Variants in PRRC2C observed in about 807,000 individuals in gnomAD.
PRRC2C encodes the protein protein PRRC2C.
PRRC2C carries 72 observed loss-of-function variants against 317.2 expected under a neutral mutation model. That is an observed-to-expected ratio of 0.23 (90% CI 0.19 to 0.28). The LOEUF is 0.28. Among genes scored for constraint, PRRC2C ranks in the 10% least tolerant of loss-of-function variants. The pLI is 1.00. For synonymous variants in PRRC2C, 1,296 were observed against 1,205.9 expected (o/e 1.07, Z -1.55); for missense variants, 3,074 against 3,459.7 (o/e 0.89, Z 2.80).
intron 12 of PRRC2C, among the ~76,000 whole-genome samples, chr1:171,534,393 A>C (rs1203634861): frequency 6.6e-6 from 1 of 152,194 alleles, no homozygotes; most frequent in Non-Finnish European, 1.5e-5. Flanking sequence ...TTTTATTTTC[A>C]TTCACATTTT....
At position 171,579,361 on chromosome 1, in the gene PRRC2C, C is replaced by T. The variant is rs1197296333; in HGVS notation, c.7167C>T (p.Ile2389=). Residue 2389 remains isoleucine (I), a synonymous_variant, in exon 27 of 35, where the codon ATC becomes ATT. Transcript: ENST00000647382. The part of the protein sequence containing the change: ...VYVSQSAAAQ[I]PAFYMDTSHL... ...TATCCTGATGGTCTACAGCTCAAAT[C>T]CCAGCCTTCTATATGGACACAAGTC... 6.2e-7 allele frequency: 1 copy of T among 1,613,460 alleles called. No individual in the cohort carries two copies. The highest frequency in any genetic ancestry group is 1.1e-5 in the South Asian group (1 of 91,012).
In PRRC2C at chr1:171,545,586, A is replaced by C. The variant is rs1490028314; in HGVS notation, c.4871A>C (p.Lys1624Thr). ...VPNGTGQKNSKDSTGKKREDP... is the reference protein window; with the variant it reads ...VPNGTGQKNSTDSTGKKREDP... ...AATGGTACAGGACAAAAGAACTCCA[A>C]AGATTCTACTGGGAAAAAAAGAGAA... Residue 1624 changes from lysine to threonine, a missense_variant, in exon 17 of 35, where the codon AAA (lysine) becomes ACA (threonine). Transcript: ENST00000647382. 6.2e-7 allele frequency: 1 copy of C among 1,610,788 alleles called. No homozygotes were observed. The highest frequency in any genetic ancestry group is 8.5e-7 in the Non-Finnish European group (1 of 1,178,522).
intron 11 of PRRC2C, among the ~76,000 whole-genome samples, chr1:171,530,324 G>A (rs1413409791): frequency 7.4e-6 from 1 of 135,776 alleles, no homozygotes; most frequent in Non-Finnish European, 1.5e-5. Context: ...GCTCATTGCA[G>A]CCTAAACCTC....
chr1:171,531,982 A>G (rs1317306911), intron 11 of PRRC2C, among the ~76,000 whole-genome samples: 4 of 152,158 alleles, frequency 2.6e-5, no homozygotes, highest in Non-Finnish European at 5.9e-5. Context: ...TAGACATTCC[A>G]ACTCTGGCAG....
intron 4 of PRRC2C, 29 bp from the exon 5 acceptor site, chr1:171,515,705 C>A: frequency 6.5e-7 from 1 of 1,533,672 alleles, no homozygotes; most frequent in Non-Finnish European, 8.8e-7. Context: ...TAAAAGTTAC[C>A]TTTAATGTTT....
Position 171,584,288 on chromosome 1 carries a change from G to GA in PRRC2C, c.7641+108dup, listed in dbSNP as rs1205951721. 9 of 1,377,404 alleles carry GA rather than the reference G, an allele frequency of 6.5e-6. No homozygotes were observed. In the Admixed American group the frequency reaches 9.0e-5, roughly 14 times the overall value. 85.3% of individuals were successfully genotyped at this position (1,377,404 alleles called of 1,614,324 possible). A position where few individuals can be genotyped will look rare whatever the true frequency, so the allele number is the denominator to read the frequency against. On this transcript the variant is annotated intron_variant, in intron 29 of 34. Transcript: ENST00000647382. ...AAGAAAACATGTTAGAAGATGCAAT[G>GA]AAAAAAACAAAGTCCTTTCATTTAT...
At chr1:171,522,047 GT>G in intron 6 of PRRC2C, 129 bp from the exon 7 acceptor site, 1 of 399,534 alleles carries the variant, frequency 2.5e-6, no homozygotes, top group Non-Finnish European at 4.4e-6. Context: ...GTCATTAATA[GT>G]TTTATTCACT....
intron 22 of PRRC2C, among the ~76,000 whole-genome samples, chr1:171,567,213 C>G (rs2102720654): frequency 6.6e-6 from 1 of 152,196 alleles, no homozygotes; most frequent in East Asian, 1.9e-4. Context: ...ATAAGGCAGA[C>G]TTTTACTAAC....
At chr1:171,509,042 A>G (rs12131694) in intron 1 of PRRC2C, among the ~76,000 whole-genome samples, 24,293 of 151,880 alleles carry the variant, frequency 0.16, 2,000 homozygotes, top group Middle Eastern at 0.29. Flanking sequence ...ACCTGCCACC[A>G]TGCCTGGCTA....
chr1:171,511,874 A>G (rs1421089870), intron 1 of PRRC2C, 158 bp from the exon 2 acceptor site: 3 of 410,022 alleles, frequency 7.3e-6, no homozygotes, highest in Non-Finnish European at 1.4e-5. Context: ...ATGATAGCTT[A>G]TTGTGATCAA....
intron 14 of PRRC2C, 91 bp downstream of exon 14, chr1:171,536,369 A>G (rs1448961943): frequency 7.1e-7 from 1 of 1,403,758 alleles, no homozygotes; most frequent in Non-Finnish European, 9.7e-7. Flanking sequence ...GTAATCTAGG[A>G]AAAACTTAAA....
rs143475290 is a variant in PRRC2C, at chr1:171,528,611, C to T, written c.1254+767C>T. Reference sequence around the variant, plus strand: ...CGGCCAATGAAATTCTTTTAGTGAACTATTTATACTTACCGTCTTTTGCTG... The same window carrying T: ...CGGCCAATGAAATTCTTTTAGTGAATTATTTATACTTACCGTCTTTTGCTG... On this transcript the variant is annotated intron_variant, in intron 11 of 34. Coordinates refer to ENST00000647382, the MANE Select transcript of PRRC2C (RefSeq NM_001387844.1). Among the ~76,000 whole-genome samples, 363 of 152,176 alleles carry T rather than the reference C, an allele frequency of 2.4e-3. 3 individuals are homozygous for T. The highest frequency in any genetic ancestry group is 6.8e-3 in the Middle Eastern group (2 of 294).
At chr1:171,542,401 G>A (rs111428664) in intron 16 of PRRC2C, among the ~76,000 whole-genome samples, 172 bp downstream of exon 16, 1 of 152,354 alleles carries the variant, frequency 6.6e-6, no homozygotes, top group African/African-American at 2.4e-5. Context: ...AGGAAGAGAG[G>A]TTAAGGTGTC....
chr1:171,521,589 A>G (rs1336832322), intron 6 of PRRC2C, among the ~76,000 whole-genome samples: 2 of 62,750 alleles, frequency 3.2e-5, no homozygotes, highest in Non-Finnish European at 6.0e-5. Context: ...TTTTAATTTT[A>G]TCTGAGCTGA....
intron 30 of PRRC2C, among the ~76,000 whole-genome samples, chr1:171,586,362 A>G (rs1486757799): frequency 6.6e-6 from 1 of 151,172 alleles, no homozygotes; most frequent in Admixed American, 6.6e-5. Context: ...AAGTGCTGGG[A>G]TTATAGGCGT....
chr1:171,565,578 G>C (rs964978307), intron 20 of PRRC2C, among the ~76,000 whole-genome samples: 1 of 152,150 alleles, frequency 6.6e-6, no homozygotes, highest in Non-Finnish European at 1.5e-5. Flanking sequence ...CTCCTGAGTA[G>C]CTGCGATTAC....
intron 18 of PRRC2C, among the ~76,000 whole-genome samples, chr1:171,551,116 C>A (rs1161669094): frequency 1.3e-5 from 2 of 152,170 alleles, no homozygotes; most frequent in African/African-American, 4.8e-5. Flanking sequence ...TCTCCACGTC[C>A]TCTCCAGCAC....
chr1:171,572,982 A>G (rs1685038945), intron 24 of PRRC2C, among the ~76,000 whole-genome samples: 1 of 152,218 alleles, frequency 6.6e-6, no homozygotes, highest in Admixed American at 6.5e-5. Context: ...AAGTTATATT[A>G]CACAGTAAAT....
At chr1:171,583,863 T>C (rs1415951594) in intron 28 of PRRC2C, 93 bp from the exon 29 acceptor site, 3 of 1,003,750 alleles carry the variant, frequency 3.0e-6, no homozygotes, top group Non-Finnish European at 4.5e-6. Flanking sequence ...AGCACATGAC[T>C]GTATTGGGTC....
Sources: allele counts gnomAD v4.1 joint callset (sites outside exome capture counted in the v4.1 genomes callset), GRCh38; gene constraint gnomAD v4.1.1; transcripts MANE v1.5; gene names NCBI Gene and HGNC (gene_info 2026-07-23, HGNC 2026-07-21).